SORCS3: variants seen among roughly 807,000 people sequenced by gnomAD.
SORCS3 encodes the protein sortilin related VPS10 domain containing receptor 3.
SORCS3 carries 57 observed loss-of-function variants against 146.3 expected under a neutral mutation model. That is an observed-to-expected ratio of 0.39 (90% confidence interval 0.31 to 0.49). SORCS3 has a LOEUF of 0.49. SORCS3 is among the 20% of genes least tolerant of loss of function. SORCS3 has a pLI of 0.92. For missense variants in SORCS3, 1,341 were observed against 1,575.5 expected, an observed-to-expected ratio of 0.85 and a Z score of 2.52; for synonymous variants, 653 against 618.5, an observed-to-expected ratio of 1.06 and a Z score of -0.83.
intron 2 of SORCS3, among the ~76,000 whole-genome samples, chr10:104,891,621 C>T (rs6584630): frequency 0.36 from 55,381 of 152,056 alleles, 13,208 homozygotes; most frequent in African/African-American, 0.68. Context: ...TGTCCAGTGA[C>T]ATGAAAATTG....
At chr10:104,730,202 T>A (rs2016690191) in intron 1 of SORCS3, among the ~76,000 whole-genome samples, 1 of 152,186 alleles carries the variant, frequency 6.6e-6, no homozygotes, top group South Asian at 2.1e-4. Flanking sequence ...TTCTGAACAA[T>A]TTATATGATT....
At chr10:104,921,505 G>C (rs6584637) in intron 3 of SORCS3, among the ~76,000 whole-genome samples, 28,471 of 92,984 alleles carry the variant, frequency 0.31, 2,861 homozygotes, top group African/African-American at 0.43. Context: ...CTCTCTCTCT[G>C]TGTGTGTGTG....
chr10:105,029,352 G>A (rs1443813480), intron 4 of SORCS3, among the ~76,000 whole-genome samples: 1 of 152,180 alleles, frequency 6.6e-6, no homozygotes, highest in Non-Finnish European at 1.5e-5. Context: ...CCAAGGACAA[G>A]CATTGTTTGA....
At chr10:105,246,340 C>T (rs1459548496) in intron 21 of SORCS3, among the ~76,000 whole-genome samples, 1 of 151,884 alleles carries the variant, frequency 6.6e-6, no homozygotes, top group Non-Finnish European at 1.5e-5. Flanking sequence ...TTAGATTTTT[C>T]ATTACTAGTT....
intron 2 of SORCS3, among the ~76,000 whole-genome samples, chr10:104,912,764 A>C (rs2018982088): frequency 6.6e-6 from 1 of 152,228 alleles, no homozygotes; most frequent in East Asian, 1.9e-4. Context: ...AAGGAGTTAC[A>C]GCCAAGGAAG....
At chr10:104,811,819 A>G (rs2133519088) in intron 1 of SORCS3, among the ~76,000 whole-genome samples, 1 of 152,322 alleles carries the variant, frequency 6.6e-6, no homozygotes, top group Non-Finnish European at 1.5e-5. Flanking sequence ...AGGCAGGGAA[A>G]TGATTGATGT....
chr10:105,060,317 A>G (rs913121916), intron 5 of SORCS3, among the ~76,000 whole-genome samples: 6 of 152,164 alleles, frequency 3.9e-5, no homozygotes, highest in Admixed American at 1.3e-4. Context: ...GTCTGTCAAG[A>G]AGTTCGGATT....
At chr10:105,057,280 T>C (rs1460399516) in intron 5 of SORCS3, among the ~76,000 whole-genome samples, 1 of 152,178 alleles carries the variant, frequency 6.6e-6, no homozygotes, top group Non-Finnish European at 1.5e-5. Context: ...ATTGGACTTC[T>C]GTATAAGTTT....
Position 104,977,500 on chromosome 10 carries a change from A to G in SORCS3, c.954+7A>G. 6.3e-7 allele frequency: 1 copy of G among 1,594,280 alleles called. No homozygotes were observed. Among genetic ancestry groups the G allele is most frequent in the Admixed American group, 1.7e-5 (1 of 57,436 alleles). ...CTACAGTTTGGATCAAAAGGTGAAT[A>G]AATACTATTTTCATTTACTTCTTGT... On this transcript the variant is annotated splice_region_variant and intron_variant, in intron 4 of 26. Transcript: ENST00000369701.
chr10:104,929,140 T>C (rs1172661312), intron 3 of SORCS3, among the ~76,000 whole-genome samples: 5 of 152,244 alleles, frequency 3.3e-5, no homozygotes, highest in African/African-American at 9.6e-5. Context: ...TGTGTGACCT[T>C]GAACATATTA....
chr10:104,934,589 C>T (rs2019241357), intron 3 of SORCS3, among the ~76,000 whole-genome samples: 1 of 152,100 alleles, frequency 6.6e-6, no homozygotes, highest in Non-Finnish European at 1.5e-5. Flanking sequence ...TGGATGTGCG[C>T]ATAAGTGCAC....
intron 14 of SORCS3, among the ~76,000 whole-genome samples, chr10:105,182,215 G>GTGAC (rs934597702): frequency 4.0e-5 from 5 of 125,338 alleles, no homozygotes; most frequent in African/African-American, 1.4e-4. Context: ...CAGCCAACTT[G>GTGAC]TGACTATTCA....
At chr10:105,113,968 T>C (rs1206320691) in intron 7 of SORCS3, among the ~76,000 whole-genome samples, 1 of 152,178 alleles carries the variant, frequency 6.6e-6, no homozygotes, top group Non-Finnish European at 1.5e-5. Flanking sequence ...TGAGCCAAGC[T>C]GGTTGAAAAT....
At chr10:104,974,027 G>C (rs959278451) in intron 3 of SORCS3, among the ~76,000 whole-genome samples, 1 of 152,094 alleles carries the variant, frequency 6.6e-6, no homozygotes, top group African/African-American at 2.4e-5. Flanking sequence ...TCTTAATCCT[G>C]AGTTCTAGTT....
At chr10:105,239,557 G>A (rs992912884) in intron 20 of SORCS3, among the ~76,000 whole-genome samples, 13 of 152,090 alleles carry the variant, frequency 8.5e-5, no homozygotes, top group African/African-American at 3.1e-4. Flanking sequence ...GTGACCTGTC[G>A]CACATGAGGG....
chr10:104,682,045 T>G (rs2015983584), intron 1 of SORCS3, among the ~76,000 whole-genome samples: 1 of 152,234 alleles, frequency 6.6e-6, no homozygotes, highest in South Asian at 2.1e-4. Context: ...GTCTGTTTTG[T>G]TTCCAGGCTG....
chr10:105,226,892 G>T (rs1037501226), intron 20 of SORCS3, among the ~76,000 whole-genome samples: 5 of 151,686 alleles, frequency 3.3e-5, no homozygotes, highest in Admixed American at 3.3e-4. Context: ...TGTTTCTGTG[G>T]TATCAGTTGC....
At chr10:105,123,440 A>T (rs1300804367) in intron 7 of SORCS3, among the ~76,000 whole-genome samples, 1 of 152,206 alleles carries the variant, frequency 6.6e-6, no homozygotes, top group Non-Finnish European at 1.5e-5. Flanking sequence ...TTAATTCCTC[A>T]AGCAAGTTGC....
At chr10:104,798,937 A>T (rs2017591270) in intron 1 of SORCS3, among the ~76,000 whole-genome samples, 1 of 152,256 alleles carries the variant, frequency 6.6e-6, no homozygotes, top group African/African-American at 2.4e-5. Context: ...CAACAGACAT[A>T]TGAAAAAATG....
Sources: allele counts gnomAD v4.1 joint callset (sites outside exome capture counted in the v4.1 genomes callset), GRCh38; gene constraint gnomAD v4.1.1; transcripts MANE v1.5; gene names NCBI Gene and HGNC (gene_info 2026-07-23, HGNC 2026-07-21).